ERBIN: variants seen among roughly 807,000 people sequenced by gnomAD.
The protein encoded by ERBIN is densin-180-like protein.
ERBIN carries 60 observed loss-of-function variants against 158.4 expected under a neutral mutation model. The ratio of observed to expected loss-of-function variants is 0.38; its 90% CI spans 0.31 to 0.47. The LOEUF is 0.47. Among genes scored for constraint, ERBIN ranks in the 20% least tolerant of loss-of-function variants. The pLI, the probability that ERBIN is intolerant of heterozygous loss-of-function variation, is 0.99. For synonymous variants in ERBIN, 594 were observed against 557.2 expected (o/e 1.07, Z -0.93); for missense variants, 1,610 against 1,648.0 (o/e 0.98, Z 0.40).
chr5:65,975,989 C>T (rs988167922), intron 1 of ERBIN, among the ~76,000 whole-genome samples: 2 of 152,148 alleles, frequency 1.3e-5, no homozygotes, highest in Admixed American at 1.3e-4. Flanking sequence ...CCATTTAGGG[C>T]TCCCTAAGTC....
intron 1 of ERBIN, among the ~76,000 whole-genome samples, chr5:65,948,258 T>A (rs758591264): frequency 6.6e-6 from 1 of 152,008 alleles, no homozygotes; most frequent in Non-Finnish European, 1.5e-5. Context: ...CACTGCAGCC[T>A]GGGCATCCCA....
At chr5:66,070,483 T>C (rs147583539) in intron 21 of ERBIN, among the ~76,000 whole-genome samples, 2 of 150,596 alleles carry the variant, frequency 1.3e-5, no homozygotes, top group Admixed American at 1.3e-4. Flanking sequence ...GGAGCAATTG[T>C]ATTTTCCACA....
intron 21 of ERBIN, among the ~76,000 whole-genome samples, chr5:66,059,023 C>G (rs1212760682): frequency 6.6e-6 from 1 of 152,060 alleles, no homozygotes; most frequent in African/African-American, 2.4e-5. Flanking sequence ...AATGCAGGCT[C>G]TTTTTTGGTT....
At chr5:66,016,579 C>T (rs940698781) in intron 7 of ERBIN, among the ~76,000 whole-genome samples, 4 of 151,170 alleles carry the variant, frequency 2.6e-5, no homozygotes, top group Admixed American at 2.0e-4. Context: ...TCCTCAGCCT[C>T]TGCTAATCAC....
intron 21 of ERBIN, among the ~76,000 whole-genome samples, chr5:66,056,734 A>G (rs187625261): frequency 2.0e-5 from 3 of 152,270 alleles, no homozygotes; most frequent in East Asian, 3.9e-4. Context: ...TCTGCACCTG[A>G]TAACTCCCAT....
chr5:66,061,186 CTT>C (rs1760256997), intron 21 of ERBIN, among the ~76,000 whole-genome samples: 1 of 152,140 alleles, frequency 6.6e-6, no homozygotes, highest in Admixed American at 6.5e-5. Context: ...GCCTAAGTCT[CTT>C]TGTAGGTCCC....
At chr5:66,050,726 G>A in intron 19 of ERBIN, 57 bp from the exon 20 acceptor site, 1 of 1,185,998 alleles carries the variant, frequency 8.4e-7, no homozygotes, top group Non-Finnish European at 1.2e-6. Flanking sequence ...TCACTGAAAA[G>A]AATTTCACAC....
At chr5:65,968,284 C>T (rs1362486729) in intron 1 of ERBIN, among the ~76,000 whole-genome samples, 1 of 152,116 alleles carries the variant, frequency 6.6e-6, no homozygotes, top group Non-Finnish European at 1.5e-5. Flanking sequence ...CTGTCCGGCA[C>T]GGTGAGGATT....
intron 1 of ERBIN, among the ~76,000 whole-genome samples, chr5:65,954,520 T>A (rs184746137): frequency 2.6e-5 from 4 of 152,328 alleles, no homozygotes; most frequent in African/African-American, 9.6e-5. Context: ...GGATTCAGTT[T>A]AATGAAAATG....
intron 23 of ERBIN, 27 bp from the exon 24 acceptor site, chr5:66,076,289 G>C (rs1761976229): frequency 6.3e-7 from 1 of 1,578,740 alleles, no homozygotes; most frequent in Non-Finnish European, 8.7e-7. Flanking sequence ...GAAATAGTAA[G>C]TTTCCTTTAT....
At position 66,035,357 on chromosome 5, in the gene ERBIN, C is replaced by T. The variant is rs532061595; in HGVS notation, c.1207-3026C>T. Reference sequence around the variant, plus strand: ...CTGCCCCAAATATATTTCCCCCACACCCCTCAGCTTCTTTAGCTTGGTAAA... The same window carrying T: ...CTGCCCCAAATATATTTCCCCCACATCCCTCAGCTTCTTTAGCTTGGTAAA... On this transcript the variant is annotated intron_variant, in intron 14 of 25. Transcript: ENST00000284037. Among the ~76,000 whole-genome samples the T allele has an allele frequency of 2.0e-5, 3 of 152,286 alleles. No individual in the cohort carries two copies. The South Asian group carries it at 6.2e-4, about 32-fold the overall frequency.
rs1759395414 is a variant in ERBIN, at chr5:66,054,540, C to G, written c.3222C>G (p.Ile1074Met). The G allele has an allele frequency of 6.2e-7, 1 of 1,614,180 alleles. No homozygotes were observed. Among genetic ancestry groups the G allele is most frequent in the Non-Finnish European group, 8.5e-7 (1 of 1,180,024 alleles). ...TTCCTGCAGTAACTCGAAGTACAAT[C>G]CAGCGACAAAGTAGTGTGTCCTCCA... ...RLIPAVTRST[I>M]QRQSSVSSTA... Residue 1074 changes from isoleucine to methionine, a missense_variant, in exon 21 of 26, where the codon ATC (isoleucine) becomes ATG (methionine). By Grantham distance (10) the Ile-to-Met change is conservative (BLOSUM62 1). Coordinates refer to ENST00000284037, the MANE Select transcript of ERBIN (RefSeq NM_001253697.2).
In ERBIN at chr5:66,082,124, A is replaced by G. The variant is rs1019015526; in HGVS notation, c.*3594A>G. On this transcript the variant is annotated 3_prime_UTR_variant, in exon 26 of 26. Transcript: ENST00000284037. ...CAGTCTCATGAAGCAGTTTTTCAAG[A>G]TTAGAATCTGTGGTCAGCTATAACG... The G allele has an allele frequency of 1.3e-5, 2 of 152,204 alleles. No homozygotes were observed. Among genetic ancestry groups the G allele is most frequent in the African/African-American group, 2.4e-5 (1 of 41,454 alleles). The allele number at this position is 152,204 out of a possible 1,614,324, so 9.4% of individuals were successfully genotyped here.
chr5:65,932,512 AAC>A (rs1439701969), intron 1 of ERBIN, among the ~76,000 whole-genome samples: 3 of 152,178 alleles, frequency 2.0e-5, no homozygotes, highest in Non-Finnish European at 4.4e-5. Flanking sequence ...CAATATTATA[AAC>A]ACAGTTTTGA....
intron 1 of ERBIN, among the ~76,000 whole-genome samples, chr5:65,935,482 A>G (rs1013773730): frequency 1.3e-5 from 2 of 152,248 alleles, no homozygotes. Context: ...AAGTGTCTGC[A>G]GTCCAATTAA....
intron 1 of ERBIN, among the ~76,000 whole-genome samples, chr5:65,977,208 A>C (rs1401561358): frequency 2.1e-4 from 19 of 88,384 alleles, no homozygotes; most frequent in African/African-American, 7.4e-4. Context: ...ACCCCCCCCC[A>C]CCTCCCTCCC....
chr5:66,039,360 G>A (rs776785507), intron 15 of ERBIN, among the ~76,000 whole-genome samples: 9 of 151,858 alleles, frequency 5.9e-5, no homozygotes, highest in Non-Finnish European at 1.3e-4. Flanking sequence ...ACTTACGCTA[G>A]TATTCTGTCC....
Position 66,008,396 on chromosome 5 carries a change from G to A in ERBIN, c.308-3653G>A, listed in dbSNP as rs764504463. On this transcript the variant is annotated intron_variant, in intron 4 of 25. Coordinates refer to ENST00000284037, the MANE Select transcript of ERBIN (RefSeq NM_001253697.2). ...ATCGCGCCACTGCACTCCAGTCTGG[G>A]CAACAGTGTGAGACTCCATCGCTAA... Among the ~76,000 whole-genome samples the A allele has an allele frequency of 1.5e-3, 221 of 152,268 alleles. 1 individual carries two copies. Among genetic ancestry groups the A allele is most frequent in the Non-Finnish European group, 1.6e-3 (106 of 68,020 alleles).
chr5:66,080,877 C>A lies in ERBIN; in HGVS notation c.*2347C>A, dbSNP rs566110558. The stretch of plus-strand genomic sequence containing the variant: ...AGTATTCTTGCAACACATAAAGTTG[C>A]GTAAGAAACTTTACCAAGAGGAGTA... On this transcript the variant is annotated 3_prime_UTR_variant, in exon 26 of 26. Transcript: ENST00000284037. 6.6e-6 allele frequency: 1 copy of A among 151,724 alleles called. No individual in the cohort carries two copies. 9.4% of individuals were successfully genotyped at this position (151,724 alleles called of 1,614,324 possible).
Sources: allele counts gnomAD v4.1 joint callset (sites outside exome capture counted in the v4.1 genomes callset), GRCh38; gene constraint gnomAD v4.1.1; transcripts MANE v1.5; gene names NCBI Gene and HGNC (gene_info 2026-07-23, HGNC 2026-07-21).